Variants in SYTL4 observed in about 807,000 individuals in gnomAD.
SYTL4 encodes the protein synaptotagmin-like protein 4.
SYTL4 carries 16 observed loss-of-function variants against 52.7 expected under a neutral mutation model. That is an observed-to-expected ratio of 0.30 (90% CI 0.21 to 0.46). SYTL4 has a LOEUF of 0.46. SYTL4 is among the 20% of genes least tolerant of loss of function. The probability of loss-of-function intolerance (pLI) is 1.00; values close to 1 mark genes in which losing one functional copy is unlikely to be tolerated. For missense variants in SYTL4, 423 were observed against 519.9 expected (o/e 0.81, Z 1.81); for synonymous variants, 160 against 186.6 (o/e 0.86, Z 1.16).
At chrX:100,713,881 A>C (rs1569411350) in intron 2 of SYTL4, among the ~76,000 whole-genome samples, 1 of 111,085 alleles carries the variant, frequency 9.0e-6, no homozygotes, top group Non-Finnish European at 1.9e-5. Context: ...GTATGATTTC[A>C]TTTATATAAA....
intron 8 of SYTL4, among the ~76,000 whole-genome samples, chrX:100,692,367 C>T (rs779641250): frequency 3.6e-5 from 4 of 112,538 alleles, no homozygotes; most frequent in Non-Finnish European, 7.5e-5. Context: ...ATCTTATTTA[C>T]TGATGTGTTC....
At chrX:100,703,893 T>C in intron 3 of SYTL4, among the ~76,000 whole-genome samples, 1 of 112,185 alleles carries the variant, frequency 8.9e-6, no homozygotes. Flanking sequence ...AAGAGAAAGG[T>C]CTAGAACAAA....
rs569356526 is a variant in SYTL4, at chrX:100,694,261, A to T, written c.540-3052T>A. Among the ~76,000 whole-genome samples, 6 of 112,030 alleles carry T rather than the reference A, an allele frequency of 5.4e-5. No individual in the cohort carries two copies. The South Asian group carries it at 2.3e-3, about 42-fold the overall frequency. On this transcript the variant is annotated intron_variant, in intron 8 of 19. Transcript: ENST00000372989. ...CCATCCTTCTTACTTGGAGTAAAAG[A>T]CAGAATGCTTACAAGTGCCACCAAA...
chrX:100,701,999 C>T lies in SYTL4; in HGVS notation c.39G>A (p.Glu13=). 1 of 1,209,643 alleles carries T rather than the reference C, an allele frequency of 8.3e-7. No homozygotes were observed. Among genetic ancestry groups the T allele is most frequent in the African/African-American group, 1.7e-5 (1 of 57,716 alleles). The change falls in exon 5 of 20, where the codon GAG becomes GAA. Residue 13 remains glutamate (E), a synonymous_variant. Transcript: ENST00000372989. The part of the protein sequence containing the change: ...ELLDLSFLSE[E]EKDLILSVLQ... Reference sequence around the variant, plus strand: ...GAACACTGAGAATCAAATCCTTTTCCTCCTCAGACAGAAAAGAAAGGTCCA... The same window carrying T: ...GAACACTGAGAATCAAATCCTTTTCTTCCTCAGACAGAAAAGAAAGGTCCA...
chrX:100,686,801 C>T lies in SYTL4; in HGVS notation c.1185-20G>A. ...ACATATCTAGAAACCAAAGACAGCA[C>T]TGAGTAATTTGCTGGCCTTTCTCAA... On this transcript the variant is annotated intron_variant, in intron 14 of 19. Transcript: ENST00000372989. The T allele has an allele frequency of 8.6e-7, 1 of 1,161,464 alleles. No individual in the cohort carries two copies. Among genetic ancestry groups the T allele is most frequent in the South Asian group, 1.8e-5 (1 of 55,128 alleles).
At chrX:100,729,861 G>C (rs990069105) in intron 2 of SYTL4, among the ~76,000 whole-genome samples, 1 of 110,692 alleles carries the variant, frequency 9.0e-6, no homozygotes, top group Admixed American at 9.6e-5. Context: ...TGTCAGGGGA[G>C]GGGGAATGAG....
chrX:100,684,709 T>C (rs2083444850), intron 16 of SYTL4: 1 of 109,230 alleles, frequency 9.2e-6, no homozygotes, highest in African/African-American at 3.3e-5. Flanking sequence ...TTTTTTTTTT[T>C]TTTTTGAGAC....
At chrX:100,724,182 G>A (rs1257023681) in intron 2 of SYTL4, among the ~76,000 whole-genome samples, 18 of 98,436 alleles carry the variant, frequency 1.8e-4, no homozygotes, top group Non-Finnish European at 3.5e-4. Context: ...CGCCCCGTCC[G>A]GGAGGGAGGT....
chrX:100,684,455 G>C (rs1243111945), intron 16 of SYTL4, among the ~76,000 whole-genome samples: 4 of 110,777 alleles, frequency 3.6e-5, no homozygotes, highest in Non-Finnish European at 7.6e-5. Flanking sequence ...CAACTTAAAG[G>C]CCTATTAGTG....
chrX:100,687,578 G>A (rs143581446), intron 13 of SYTL4: 2,883 of 210,339 alleles, frequency 0.014, 93 homozygotes, highest in African/African-American at 0.077. Flanking sequence ...TGGGGAATGT[G>A]TTATATACAC....
At chrX:100,708,509 G>A (rs1444386563) in intron 2 of SYTL4, among the ~76,000 whole-genome samples, 1 of 111,976 alleles carries the variant, frequency 8.9e-6, no homozygotes, top group Admixed American at 9.5e-5. Flanking sequence ...CCTAATGATT[G>A]AGAAATAATA....
chrX:100,693,707 CA>C (rs2083648373), intron 8 of SYTL4, among the ~76,000 whole-genome samples: 1 of 112,309 alleles, frequency 8.9e-6, no homozygotes, highest in Admixed American at 9.4e-5. Flanking sequence ...CAGAACTAAA[CA>C]ATATATGTCC....
intron 8 of SYTL4, among the ~76,000 whole-genome samples, chrX:100,698,635 T>C (rs1273878563): frequency 4.5e-5 from 5 of 111,794 alleles, no homozygotes; most frequent in Non-Finnish European, 9.4e-5. Context: ...CCAGCCAAGA[T>C]ACCATTCAAG....
At position 100,690,123 on chromosome X, in the gene SYTL4, C is replaced by T; in HGVS notation, c.760G>A (p.Gly254Ser). The change falls in exon 11 of 20, where the codon GGT becomes AGT. Residue 254 changes from glycine to serine, a missense_variant. By Grantham distance (56) the Gly-to-Ser change is moderately conservative. Transcript: ENST00000372989. ...GTGTTCTTCTTAAATATCATCTCAC[C>T]CTCATCCACAAATACCACATTTTGA... ...GGQNVVFVDE[G>S]EMIFKKNTRK... The T allele has an allele frequency of 8.3e-7, 1 of 1,210,935 alleles. No individual in the cohort carries two copies.
At chrX:100,695,392 G>A (rs991275199) in intron 8 of SYTL4, among the ~76,000 whole-genome samples, 7 of 111,527 alleles carry the variant, frequency 6.3e-5, no homozygotes, top group Admixed American at 5.7e-4. Flanking sequence ...AGTCTTCTGG[G>A]TCCAATGAGA....
rs893878332 is a variant in SYTL4 at position 100,709,379 on chromosome X, T to G, written c.-239-4493A>C. ...TTAGCCAGGCATGGTGGCTTGCGCC[T>G]GTAGTCCCAGATACTCAGGACGCTG... On this transcript the variant is annotated intron_variant, in intron 2 of 19. Coordinates refer to ENST00000372989, the MANE Select transcript of SYTL4 (RefSeq NM_001370165.1). 1.0e-4 allele frequency among the ~76,000 whole-genome samples: 11 copies of G among 110,427 alleles called. No homozygotes were observed. In the East Asian group the frequency reaches 2.0e-3, roughly 20 times the overall value.
chrX:100,681,440 G>T, intron 16 of SYTL4, 105 bp from the exon 17 acceptor site: 1 of 548,656 alleles, frequency 1.8e-6, no homozygotes, highest in East Asian at 3.5e-5. Flanking sequence ...CAGCATCAGG[G>T]CAAAAGAGGA....
intron 12 of SYTL4, among the ~76,000 whole-genome samples, chrX:100,689,172 AGACCAGGCTGG>A (rs1227978012): frequency 8.2e-4 from 85 of 103,818 alleles, no homozygotes; most frequent in East Asian, 7.8e-3. Flanking sequence ...TAGGAGTTCA[AGACCAGGCTGG>A]GAAATACAGT....
At position 100,687,174 on chromosome X, in the gene SYTL4, C is replaced by T. The variant is rs746475381; in HGVS notation, c.1077G>A (p.Arg359=). 4 of 1,211,339 alleles carry T rather than the reference C, an allele frequency of 3.3e-6. No homozygotes were observed. The South Asian group carries it at 7.0e-5, about 21-fold the overall frequency. ...GDFGNIFVTG[R]IAFSLKYEQQ... is the part of the protein sequence containing the mutation. ...GCTCATACTTCAGGGAAAAGGCAAT[C>T]CTGCCAGTCACAAAGATGTTCCCGA... is the stretch of plus-strand genomic sequence containing the variant. The change falls in exon 14 of 20, where the codon AGG becomes AGA. Residue 359 remains arginine (R), a synonymous_variant. Transcript: ENST00000372989.
Sources: gnomAD v4.1 joint callset for allele counts (sites outside exome capture counted in the v4.1 genomes callset) on GRCh38, gnomAD v4.1.1 for gene constraint, MANE v1.5 for transcripts, NCBI Gene and HGNC (gene_info 2026-07-23, HGNC 2026-07-21) for gene names.